DCUN1D4: variants seen among roughly 807,000 people sequenced by gnomAD.
The protein encoded by DCUN1D4 is DCN1-like protein 4.
In DCUN1D4, 22 loss-of-function variants were observed where a neutral mutation model predicts 47.9. The observed-to-expected ratio is 0.46, with a 90% confidence interval of 0.33 to 0.66. The LOEUF is 0.66. DCUN1D4 is among the 30% of genes least tolerant of loss of function. The pLI is 0.02. For synonymous variants in DCUN1D4, 121 were observed against 112.2 expected (o/e 1.08, Z -0.50); for missense variants, 301 against 340.8 (o/e 0.88, Z 0.92).
At position 51,915,676 on chromosome 4, in the gene DCUN1D4, T is replaced by C. The variant is rs1459933204; in HGVS notation, c.*2092T>C. On this transcript the variant is annotated 3_prime_UTR_variant, in exon 11 of 11. Transcript: ENST00000334635. ...AAATATAAATCATAGATGAAGTTATTTTAAACACTATGTTAGAATATAGAG... is the reference window on the plus strand; with the variant it reads ...AAATATAAATCATAGATGAAGTTATCTTAAACACTATGTTAGAATATAGAG... 6.6e-6 allele frequency: 1 copy of C among 152,614 alleles called. No homozygotes were observed. The highest frequency in any genetic ancestry group is 1.5e-5 in the Non-Finnish European group (1 of 68,016). 9.5% of individuals were successfully genotyped at this position (152,614 alleles called of 1,614,324 possible). A position where few individuals can be genotyped will look rare whatever the true frequency, so the allele number is the denominator to read the frequency against.
chr4:51,843,464 G>T (rs571242622), intron 1 of DCUN1D4, 197 bp downstream of exon 1: 1 of 1,248,302 alleles, frequency 8.0e-7, no homozygotes, highest in Non-Finnish European at 1.0e-6. Context: ...GGGCGTGGGG[G>T]GAAGGGACCG....
rs576316662 is a variant in DCUN1D4, at chr4:51,857,858, C to T, written c.26-5579C>T. Among the ~76,000 whole-genome samples, 10 of 152,252 alleles carry T rather than the reference C, an allele frequency of 6.6e-5. No homozygotes were observed. The Middle Eastern group carries it at 0.01, about 155-fold the overall frequency. ...TAAGCCTTTGGTGCCTTTGTATCTGCGTTTATTCATTTGTTGAATATTTAT... is the reference window on the plus strand; with the variant it reads ...TAAGCCTTTGGTGCCTTTGTATCTGTGTTTATTCATTTGTTGAATATTTAT... On this transcript the variant is annotated intron_variant, in intron 1 of 10. Coordinates refer to ENST00000334635, the MANE Select transcript of DCUN1D4 (RefSeq NM_001040402.3).
chr4:51,852,597 CTG>C (rs1241041858), intron 1 of DCUN1D4, among the ~76,000 whole-genome samples: 1 of 152,084 alleles, frequency 6.6e-6, no homozygotes, highest in Non-Finnish European at 1.5e-5. Context: ...CTCTTCTGCC[CTG>C]TCTTTTTGTA....
chr4:51,907,459 CTCTATG>C (rs1283645772), intron 8 of DCUN1D4, among the ~76,000 whole-genome samples: 1 of 152,154 alleles, frequency 6.6e-6, no homozygotes, highest in Admixed American at 6.5e-5. Flanking sequence ...ACTGCATTTT[CTCTATG>C]TCTGTTTTTC....
At chr4:51,906,295 T>C (rs543740171) in intron 8 of DCUN1D4, among the ~76,000 whole-genome samples, 3 of 152,284 alleles carry the variant, frequency 2.0e-5, no homozygotes, top group Non-Finnish European at 4.4e-5. Context: ...GCTGGTACAC[T>C]GTCCTCTTCT....
intron 1 of DCUN1D4, chr4:51,843,617 G>C: frequency 4.0e-6 from 5 of 1,259,578 alleles, no homozygotes; most frequent in Non-Finnish European, 5.0e-6. Flanking sequence ...GGCTGTAGCG[G>C]GCAGGGCCGG....
chr4:51,861,299 G>A (rs1395219374), intron 1 of DCUN1D4, among the ~76,000 whole-genome samples: 3 of 152,134 alleles, frequency 2.0e-5, no homozygotes, highest in Admixed American at 6.5e-5. Flanking sequence ...ATTCTCTTGG[G>A]TGTAGGAAGG....
upstream of DCUN1D4, among the ~76,000 whole-genome samples, chr4:51,842,804 T>C (rs961582891): frequency 4.6e-5 from 7 of 152,206 alleles, no homozygotes; most frequent in Non-Finnish European, 1.0e-4. Flanking sequence ...TTGGTGGGTC[T>C]CCAGCTCCAC....
At position 51,877,868 on chromosome 4, in the gene DCUN1D4, T is replaced by G; in HGVS notation, c.343+14T>G. ...ATGAATATGCAGGTAGGTATTCATTTGTATCATCTAAGACTGATCCTTATG... is the reference window on the plus strand; with the variant it reads ...ATGAATATGCAGGTAGGTATTCATTGGTATCATCTAAGACTGATCCTTATG... On this transcript the variant is annotated intron_variant, in intron 5 of 10. Transcript: ENST00000334635. 1 of 1,543,492 alleles carries G rather than the reference T, an allele frequency of 6.5e-7. No individual in the cohort carries two copies.
At chr4:51,878,771 C>A (rs1452919299) in intron 5 of DCUN1D4, among the ~76,000 whole-genome samples, 5 of 152,216 alleles carry the variant, frequency 3.3e-5, no homozygotes, top group African/African-American at 1.2e-4. Flanking sequence ...CCTTAATTAC[C>A]TTAGTAGCCT....
chr4:51,834,742 C>T, the DCUN1D4 span, among the ~76,000 whole-genome samples: 4 of 151,916 alleles, frequency 2.6e-5, no homozygotes, highest in Admixed American at 6.6e-5. Flanking sequence ...CCTGGGCACC[C>T]GGGACAGGAA....
upstream of DCUN1D4, among the ~76,000 whole-genome samples, chr4:51,842,539 G>C (rs1012839653): frequency 1.3e-5 from 2 of 152,350 alleles, no homozygotes; most frequent in African/African-American, 4.8e-5. Flanking sequence ...TGGAAATTAA[G>C]ACGCGGCAAT....
intron 9 of DCUN1D4, among the ~76,000 whole-genome samples, chr4:51,912,153 G>A (rs1733811090): frequency 6.6e-6 from 1 of 152,082 alleles, no homozygotes; most frequent in Admixed American, 6.6e-5. Context: ...GTTGACATAT[G>A]GTCTGTTCTA....
chr4:51,863,359 A>G, intron 1 of DCUN1D4, 78 bp from the exon 2 acceptor site: 1 of 1,193,780 alleles, frequency 8.4e-7, no homozygotes, highest in Non-Finnish European at 1.2e-6. Flanking sequence ...ATATCAAAAC[A>G]TTTGTTTATT....
intron 1 of DCUN1D4, among the ~76,000 whole-genome samples, chr4:51,849,037 C>T (rs908914055): frequency 6.6e-6 from 1 of 152,280 alleles, no homozygotes; most frequent in Non-Finnish European, 1.5e-5. Context: ...CCCCCTGCCC[C>T]ACGACCACAA....
upstream of DCUN1D4, among the ~76,000 whole-genome samples, chr4:51,842,718 C>T (rs1424026664): frequency 6.6e-6 from 1 of 152,174 alleles, no homozygotes. Flanking sequence ...GTACGAGCCG[C>T]CCCCAACTGC....
intron 5 of DCUN1D4, among the ~76,000 whole-genome samples, chr4:51,882,543 G>A (rs1278655940): frequency 6.6e-6 from 1 of 152,066 alleles, no homozygotes. Flanking sequence ...CGAGGCGGGC[G>A]GATCACGAGG....
chr4:51,836,996 T>C, the DCUN1D4 span, among the ~76,000 whole-genome samples: 2 of 152,224 alleles, frequency 1.3e-5, no homozygotes, highest in East Asian at 3.9e-4. Flanking sequence ...AATAAAATGA[T>C]TATTCTTTCT....
intron 5 of DCUN1D4, among the ~76,000 whole-genome samples, chr4:51,880,805 T>A (rs1486347777): frequency 6.6e-6 from 1 of 152,160 alleles, no homozygotes; most frequent in African/African-American, 2.4e-5. Context: ...GACCTTGATC[T>A]GAACCTGGAA....
Sources: gnomAD v4.1 joint callset for allele counts (sites outside exome capture counted in the v4.1 genomes callset) on GRCh38, gnomAD v4.1.1 for gene constraint, MANE v1.5 for transcripts, NCBI Gene and HGNC (gene_info 2026-07-23, HGNC 2026-07-21) for gene names.